MAP4K3: variants seen among roughly 807,000 people sequenced by gnomAD.
MAP4K3 encodes MAPK/ERK kinase kinase kinase 3.
A neutral mutation model predicts 143.5 loss-of-function variants in MAP4K3; 94 were observed. That is an observed-to-expected ratio of 0.65 (90% CI 0.55 to 0.78). The LOEUF (loss-of-function observed/expected upper bound fraction) is 0.78, where lower values mean the gene tolerates loss of function less well. Ranked by LOEUF, MAP4K3 falls within the 30% of genes least tolerant of loss-of-function variation. The probability of loss-of-function intolerance (pLI) is 0.00; values close to 1 mark genes in which losing one functional copy is unlikely to be tolerated. For missense variants in MAP4K3, 1,077 were observed against 1,068.1 expected (o/e 1.01, Z -0.12); for synonymous variants, 416 against 347.2 (o/e 1.20, Z -2.20).
chr2:39,413,356 T>C (rs1009316953), intron 1 of MAP4K3, among the ~76,000 whole-genome samples: 4 of 152,178 alleles, frequency 2.6e-5, no homozygotes, highest in Non-Finnish European at 4.4e-5. Context: ...AGAACCACCA[T>C]TCCCCTTAAT....
At chr2:39,395,633 CTATT>C (rs1232429780) in intron 1 of MAP4K3, among the ~76,000 whole-genome samples, 1 of 152,126 alleles carries the variant, frequency 6.6e-6, no homozygotes, top group Non-Finnish European at 1.5e-5. Flanking sequence ...TCCTGTTATC[CTATT>C]TATCCATTAC....
At chr2:39,290,613 C>G (rs1486047026) in intron 18 of MAP4K3, among the ~76,000 whole-genome samples, 3 of 151,854 alleles carry the variant, frequency 2.0e-5, no homozygotes, top group Non-Finnish European at 4.4e-5. Flanking sequence ...AAAAGTTGAT[C>G]TCATAGAAGT....
intron 3 of MAP4K3, among the ~76,000 whole-genome samples, chr2:39,348,033 T>C (rs1454195789): frequency 6.6e-6 from 1 of 152,020 alleles, no homozygotes. Flanking sequence ...TTGCTGAACT[T>C]TCAATATGAG....
chr2:39,403,725 G>A (rs981328224), intron 1 of MAP4K3, among the ~76,000 whole-genome samples: 2 of 151,762 alleles, frequency 1.3e-5, no homozygotes, highest in Non-Finnish European at 2.9e-5. Context: ...AGTGGACTTG[G>A]GGGGCATGCA....
chr2:39,366,141 A>T (rs1008071462), intron 2 of MAP4K3, among the ~76,000 whole-genome samples: 1 of 152,130 alleles, frequency 6.6e-6, no homozygotes, highest in Non-Finnish European at 1.5e-5. Context: ...GAGACCTGAG[A>T]ACATATGCCC....
chr2:39,307,923 A>T lies in MAP4K3; in HGVS notation c.1119+20T>A, dbSNP rs773925457. The T allele has an allele frequency of 1.3e-6, 2 of 1,513,498 alleles. No individual in the cohort carries two copies. Among genetic ancestry groups the T allele is most frequent in the South Asian group, 1.3e-5 (1 of 75,364 alleles). 93.8% of individuals were successfully genotyped at this position (1,513,498 alleles called of 1,614,324 possible). A position where few individuals can be genotyped will look rare whatever the true frequency, so the allele number is the denominator to read the frequency against. ...AGACTAAAACAATGCTGACAAAGAA[A>T]ATCAGAAGATGAGAAATACCAGATT... is the stretch of plus-strand genomic sequence containing the variant. On this transcript the variant is annotated intron_variant, in intron 15 of 33. Transcript: ENST00000263881.
chr2:39,322,801 C>G (rs966702710), intron 12 of MAP4K3, among the ~76,000 whole-genome samples: 1 of 151,806 alleles, frequency 6.6e-6, no homozygotes, highest in Non-Finnish European at 1.5e-5. Context: ...CCCTGAATAG[C>G]TGGGATTACA....
chr2:39,425,532 T>G (rs1283357045), intron 1 of MAP4K3, among the ~76,000 whole-genome samples: 1 of 152,062 alleles, frequency 6.6e-6, no homozygotes, highest in Non-Finnish European at 1.5e-5. Context: ...ATGGGATAAG[T>G]GCCCTTATGA....
chr2:39,417,178 T>C (rs1423581185), intron 1 of MAP4K3, among the ~76,000 whole-genome samples: 1 of 151,820 alleles, frequency 6.6e-6, no homozygotes, highest in Non-Finnish European at 1.5e-5. Context: ...AGCAAATTCA[T>C]AAATGGATAC....
chr2:39,286,767 A>C (rs1681794200), intron 21 of MAP4K3, 85 bp downstream of exon 21: 1 of 606,444 alleles, frequency 1.6e-6, no homozygotes, highest in African/African-American at 1.9e-5. Context: ...CTAGTGCTAT[A>C]GTGTCACTAA....
chr2:39,432,597 T>A (rs1338104457), intron 1 of MAP4K3, among the ~76,000 whole-genome samples: 1 of 152,216 alleles, frequency 6.6e-6, no homozygotes, highest in Admixed American at 6.5e-5. Flanking sequence ...GTCTTCATAT[T>A]CCTTATCCGT....
chr2:39,375,015 A>T (rs1666179951), intron 2 of MAP4K3, among the ~76,000 whole-genome samples: 1 of 152,158 alleles, frequency 6.6e-6, no homozygotes, highest in Non-Finnish European at 1.5e-5. Context: ...TAATCCTAGC[A>T]GTTTGGAAGG....
chr2:39,386,820 C>T (rs114130578), intron 1 of MAP4K3, among the ~76,000 whole-genome samples: 46 of 139,106 alleles, frequency 3.3e-4, no homozygotes, highest in African/African-American at 5.0e-4. Flanking sequence ...TTTTGTTGTT[C>T]TTTTTTTTTT....
chr2:39,285,907 A>C (rs1019003867), intron 21 of MAP4K3, among the ~76,000 whole-genome samples: 1 of 152,232 alleles, frequency 6.6e-6, no homozygotes, highest in African/African-American at 2.4e-5. Context: ...CAAATGTTTA[A>C]AATGTTTCAT....
rs1227965694 is a variant in MAP4K3 at position 39,258,318 on chromosome 2, A to G, written c.2470+30T>C. ...AGATAAATTATTTTAAGGAGTTCAT[A>G]ATGCAAAGAATTATAAAACTTTGAC... is the stretch of plus-strand genomic sequence containing the variant. On this transcript the variant is annotated intron_variant, in intron 31 of 33. Transcript: ENST00000263881. The G allele has an allele frequency of 7.3e-6, 10 of 1,362,840 alleles. 1 individual carries two copies. The African/African-American group carries it at 8.8e-5, about 12-fold the overall frequency. 84.4% of individuals were successfully genotyped at this position (1,362,840 alleles called of 1,614,324 possible).
rs185962359 is a variant in MAP4K3, at chr2:39,318,936, G to A, written c.919-3548C>T. ...TGACATAAGCCAGTGGTTTTTGACC[G>A]GGGCAATTTTGTCCCTGAGGAGACA... On this transcript the variant is annotated intron_variant, in intron 12 of 33. Transcript: ENST00000263881. Among the ~76,000 whole-genome samples, 631 of 152,226 alleles carry A rather than the reference G, an allele frequency of 4.1e-3. 2 individuals are homozygous for A. Among genetic ancestry groups the A allele is most frequent in the South Asian group, 0.022 (104 of 4,824 alleles).
chr2:39,391,355 T>A lies in MAP4K3; in HGVS notation c.97-13232A>T, dbSNP rs1473507456. Among the ~76,000 whole-genome samples, 19 of 6,904 alleles carry A rather than the reference T, an allele frequency of 2.8e-3. No individual in the cohort carries two copies. In the East Asian group the frequency reaches 0.087, roughly 32 times the overall value. The allele number at this position is 6,904 out of a possible 152,430, so 4.5% of individuals were successfully genotyped here. A position where few individuals can be genotyped will look rare whatever the true frequency, so the allele number is the denominator to read the frequency against. On this transcript the variant is annotated intron_variant, in intron 1 of 33. Transcript: ENST00000263881. The stretch of plus-strand genomic sequence containing the variant: ...GCCTGAGCGACAGAGCAAGACTCCA[T>A]CTCAAAAAAAAAAAAAAAAAAAAAA...
chr2:39,411,165 A>C (rs1667222773), intron 1 of MAP4K3, among the ~76,000 whole-genome samples: 1 of 152,232 alleles, frequency 6.6e-6, no homozygotes, highest in Non-Finnish European at 1.5e-5. Context: ...GGATATTTAC[A>C]TCAGAGAAAT....
chr2:39,420,230 C>T (rs1482136398), intron 1 of MAP4K3, among the ~76,000 whole-genome samples: 1 of 152,208 alleles, frequency 6.6e-6, no homozygotes, highest in East Asian at 1.9e-4. Context: ...TTATTTACTC[C>T]ATTATTCTTA....
Sources: gnomAD v4.1 joint callset for allele counts (sites outside exome capture counted in the v4.1 genomes callset) on GRCh38, gnomAD v4.1.1 for gene constraint, MANE v1.5 for transcripts, NCBI Gene and HGNC (gene_info 2026-07-23, HGNC 2026-07-21) for gene names.